PCDH19: variants seen among roughly 807,000 people sequenced by gnomAD.
PCDH19 encodes the protein protocadherin 19, also known as protocadherin-19.
PCDH19 carries 6 observed loss-of-function variants against 46.2 expected under a neutral mutation model. The ratio of observed to expected loss-of-function variants is 0.13; its 90% CI spans 0.07 to 0.26. The LOEUF (loss-of-function observed/expected upper bound fraction) is 0.26, where lower values mean the gene tolerates loss of function less well. Ranked by LOEUF, PCDH19 falls within the 10% of genes least tolerant of loss-of-function variation. The probability of loss-of-function intolerance (pLI) is 1.00; values close to 1 mark genes in which losing one functional copy is unlikely to be tolerated. For synonymous variants in PCDH19, 481 were observed against 415.7 expected, an observed-to-expected ratio of 1.16 and a Z score of -1.91; for missense variants, 740 against 972.3, an observed-to-expected ratio of 0.76 and a Z score of 3.18.
Position 100,408,080 on chromosome X carries a change from A to G in PCDH19, c.518T>C (p.Leu173Pro). The G allele has an allele frequency of 8.3e-7, 1 of 1,210,142 alleles. No individual in the cohort carries two copies. Among genetic ancestry groups the G allele is most frequent in the Non-Finnish European group, 1.1e-6 (1 of 895,645 alleles). The change falls in exon 1 of 6, where the codon CTG (leucine) becomes CCG (proline). Residue 173 changes from leucine (L) to proline (P), a missense_variant. Around this residue, in one of 5 missense-constraint regions of PCDH19, gnomAD observed 48 missense variants for 43.2 expected, o/e 1.11. Transcript: ENST00000373034. Reference protein sequence around the residue: ...VQTYELTPNELFGLEIKTRGD... With the variant: ...VQTYELTPNEPFGLEIKTRGD... ...GCGCGTCTTGATCTCCAGGCCGAAC[A>G]GCTCGTTGGGCGTGAGCTCGTAAGT...
At chrX:100,313,352 G>T (rs1218953762) in intron 5 of PCDH19, among the ~76,000 whole-genome samples, 2 of 111,493 alleles carry the variant, frequency 1.8e-5, no homozygotes, top group African/African-American at 6.5e-5. Context: ...ACAACACTGG[G>T]AGAATTTGAA....
intron 3 of PCDH19, among the ~76,000 whole-genome samples, chrX:100,375,969 A>T (rs911058377): frequency 9.0e-6 from 1 of 111,414 alleles, no homozygotes. Flanking sequence ...AGGTGCAGTG[A>T]CTCATGCCTG....
Position 100,409,562 on chromosome X carries a change from C to T in PCDH19, c.-965G>A, listed in dbSNP as rs1482386793. ...GCAATTTGTCCAAGAAAATCAAAGCCCCGGTCTTTCTAATGGCCGGGGGTG... is the reference window on the plus strand; with the variant it reads ...GCAATTTGTCCAAGAAAATCAAAGCTCCGGTCTTTCTAATGGCCGGGGGTG... On this transcript the variant is annotated 5_prime_UTR_variant, in exon 1 of 6. Transcript: ENST00000373034. 4 of 124,612 alleles carry T rather than the reference C, an allele frequency of 3.2e-5. No homozygotes were observed. Among genetic ancestry groups the T allele is most frequent in the Non-Finnish European group, 6.4e-5 (4 of 62,069 alleles). 10.3% of individuals were successfully genotyped at this position (124,612 alleles called of 1,213,427 possible).
rs993872892 is a variant in PCDH19, at chrX:100,295,511, A to G, written c.*766T>C. 1 of 112,233 alleles carries G rather than the reference A, an allele frequency of 8.9e-6. No homozygotes were observed. The highest frequency in any genetic ancestry group is 3.7e-4 in the South Asian group (1 of 2,680). 9.2% of individuals were successfully genotyped at this position (112,233 alleles called of 1,213,427 possible). Reference sequence around the variant, plus strand: ...TGAGCAATCACTACATGAGTTAAAAAACGTGAGTATTCTCCAAGTACTCAA... The same window carrying G: ...TGAGCAATCACTACATGAGTTAAAAGACGTGAGTATTCTCCAAGTACTCAA... On this transcript the variant is annotated 3_prime_UTR_variant, in exon 6 of 6. Coordinates refer to ENST00000373034, the MANE Select transcript of PCDH19 (RefSeq NM_001184880.2).
At chrX:100,386,051 G>A (rs781004281) in intron 3 of PCDH19, among the ~76,000 whole-genome samples, 20 of 112,052 alleles carry the variant, frequency 1.8e-4, no homozygotes, top group African/African-American at 6.2e-4. Flanking sequence ...ATTAATATAT[G>A]TGTTTTCAAA....
intron 5 of PCDH19, among the ~76,000 whole-genome samples, chrX:100,309,419 C>T (rs983423059): frequency 9.0e-6 from 1 of 111,264 alleles, no homozygotes; most frequent in African/African-American, 3.3e-5. Flanking sequence ...AAAGACTGCA[C>T]ATTGGGTAGA....
At chrX:100,316,510 T>G (rs1478712887) in intron 5 of PCDH19, among the ~76,000 whole-genome samples, 1 of 111,669 alleles carries the variant, frequency 9.0e-6, no homozygotes, top group Non-Finnish European at 1.9e-5. Flanking sequence ...TGCTATATCA[T>G]CAGAAATCCC....
At chrX:100,348,784 A>G (rs1027981642) in intron 4 of PCDH19, among the ~76,000 whole-genome samples, 1 of 111,931 alleles carries the variant, frequency 8.9e-6, no homozygotes, top group Non-Finnish European at 1.9e-5. Flanking sequence ...ATGTTCAAAC[A>G]TAAGTTTTTA....
chrX:100,325,875 G>A (rs1925680275), intron 5 of PCDH19, among the ~76,000 whole-genome samples: 1 of 111,864 alleles, frequency 8.9e-6, no homozygotes, highest in East Asian at 2.8e-4. Flanking sequence ...ATTCCACACA[G>A]TTCTATGTGT....
chrX:100,388,655 C>T (rs1445833334), intron 3 of PCDH19, among the ~76,000 whole-genome samples: 1 of 110,172 alleles, frequency 9.1e-6, no homozygotes, highest in Non-Finnish European at 1.9e-5. Flanking sequence ...GCCAAATTGC[C>T]CCCAGGAAAG....
In PCDH19 at chrX:100,407,859, C is replaced by A; in HGVS notation, c.739G>T (p.Val247Leu). The change falls in exon 1 of 6, where the codon GTG becomes TTG. Residue 247 changes from valine (V) to leucine (L), a missense_variant. Coordinates refer to ENST00000373034, the MANE Select transcript of PCDH19 (RefSeq NM_001184880.2). Reference sequence around the variant, plus strand: ...GTGTTGGGAGGCGAGTTTTCTGGCACGCTCACCGCGTAGGTGGACTCGCTA... The same window carrying A: ...GTGTTGGGAGGCGAGTTTTCTGGCAAGCTCACCGCGTAGGTGGACTCGCTA... The part of the protein sequence containing the change: ...VFSESTYAVS[V>L]PENSPPNTPV... 1.6e-6 allele frequency: 2 copies of A among 1,212,280 alleles called. No homozygotes were observed.
rs777840773 is a variant in PCDH19 at position 100,408,054 on chromosome X, C to G, written c.544G>C (p.Gly182Arg). The part of the protein sequence containing the change: ...ELFGLEIKTR[G>R]DGSRFAELVV... ...AGTTCGGCAAAGCGGGAGCCGTCGC[C>G]GCGCGTCTTGATCTCCAGGCCGAAC... The change falls in exon 1 of 6, where the codon GGC (glycine) becomes CGC (arginine). Residue 182 changes from glycine to arginine, a missense_variant. Transcript: ENST00000373034. The G allele has an allele frequency of 2.5e-6, 3 of 1,209,178 alleles. No homozygotes were observed. Among genetic ancestry groups the G allele is most frequent in the Non-Finnish European group, 3.3e-6 (3 of 895,629 alleles).
At chrX:100,354,356 A>G (rs1926653244) in intron 3 of PCDH19, among the ~76,000 whole-genome samples, 1 of 112,338 alleles carries the variant, frequency 8.9e-6, no homozygotes, top group East Asian at 2.8e-4. Context: ...GAATCATCTC[A>G]GAATCTTCTT....
At chrX:100,346,566 A>G (rs1926406715) in intron 4 of PCDH19, among the ~76,000 whole-genome samples, 1 of 111,971 alleles carries the variant, frequency 8.9e-6, no homozygotes, top group Non-Finnish European at 1.9e-5. Flanking sequence ...AGAGAAATCT[A>G]GTGCTAGTCT....
In PCDH19 at chrX:100,296,471, T is replaced by C. The variant is rs1924608675; in HGVS notation, c.3253A>G (p.Ile1085Val). The C allele has an allele frequency of 8.3e-7, 1 of 1,209,072 alleles. No individual in the cohort carries two copies. The highest frequency in any genetic ancestry group is 1.1e-6 in the Non-Finnish European group (1 of 895,031). The change falls in exon 6 of 6, where the codon ATT becomes GTT. Residue 1085 changes from isoleucine (I) to valine (V), a missense_variant. Coordinates refer to ENST00000373034, the MANE Select transcript of PCDH19 (RefSeq NM_001184880.2). ...TCACGGGCTGGGGGAGCCAGGGCAA[T>C]GGTGTAAGACACGGAAGGCTTGGTG... ...LPTKPSVSYT[I>V]ALAPPARDLE...
intron 3 of PCDH19, among the ~76,000 whole-genome samples, chrX:100,399,399 C>T (rs1246129039): frequency 3.6e-5 from 4 of 111,676 alleles, no homozygotes; most frequent in Non-Finnish European, 7.5e-5. Context: ...TGCAAATCAC[C>T]TATTTACTTG....
intron 3 of PCDH19, among the ~76,000 whole-genome samples, chrX:100,362,312 A>C (rs962189607): frequency 8.9e-6 from 1 of 111,738 alleles, no homozygotes; most frequent in African/African-American, 3.3e-5. Context: ...TCTATTTGAT[A>C]GCAAAGAAAC....
chrX:100,378,289 G>A (rs1927447545), intron 3 of PCDH19, among the ~76,000 whole-genome samples: 1 of 113,044 alleles, frequency 8.8e-6, no homozygotes, highest in African/African-American at 3.2e-5. Context: ...GGGTTCTCCA[G>A]CTAACATGCA....
At chrX:100,329,773 G>A (rs752213585) in intron 5 of PCDH19, among the ~76,000 whole-genome samples, 112 of 110,870 alleles carry the variant, frequency 1.0e-3, no homozygotes, top group Non-Finnish European at 1.8e-3. Context: ...TTAGCCGGGC[G>A]TGGTGGCAGG....
Sources: allele counts gnomAD v4.1 joint callset (sites outside exome capture counted in the v4.1 genomes callset), GRCh38; gene constraint gnomAD v4.1.1; regional missense constraint gnomAD v4.1.1; transcripts MANE v1.5; gene names NCBI Gene and HGNC (gene_info 2026-07-23, HGNC 2026-07-21).